Variants in LRRTM4 observed in about 807,000 individuals in gnomAD.
LRRTM4 encodes the protein leucine rich repeat transmembrane neuronal 4.
LRRTM4 carries 25 observed loss-of-function variants against 47.6 expected under a neutral mutation model. That is an observed-to-expected ratio of 0.53 (90% CI 0.38 to 0.73). LRRTM4 has a LOEUF of 0.73. LRRTM4 is among the 30% of genes least tolerant of loss of function. The pLI, the probability that LRRTM4 is intolerant of heterozygous loss-of-function variation, is 0.00. For missense variants in LRRTM4, 638 were observed against 713.4 expected, an observed-to-expected ratio of 0.89 and a Z score of 1.20; for synonymous variants, 311 against 269.5, an observed-to-expected ratio of 1.15 and a Z score of -1.51.
At chr2:77,513,544 A>G (rs1679098081) in intron 3 of LRRTM4, among the ~76,000 whole-genome samples, 1 of 151,890 alleles carries the variant, frequency 6.6e-6, no homozygotes, top group African/African-American at 2.4e-5. Context: ...TTTAGACTAC[A>G]TAGATGTAAG....
intron 3 of LRRTM4, among the ~76,000 whole-genome samples, chr2:77,396,392 C>T (rs1673705285): frequency 6.6e-6 from 1 of 151,868 alleles, no homozygotes; most frequent in African/African-American, 2.4e-5. Context: ...TTTATCTCTG[C>T]TAAGGTTTTT....
At chr2:77,436,275 A>G (rs1354539398) in intron 3 of LRRTM4, among the ~76,000 whole-genome samples, 1 of 152,162 alleles carries the variant, frequency 6.6e-6, no homozygotes, top group Non-Finnish European at 1.5e-5. Context: ...GTGAGGTTAC[A>G]ATACTAAACA....
At chr2:77,441,599 C>T (rs1434406992) in intron 3 of LRRTM4, among the ~76,000 whole-genome samples, 1 of 152,034 alleles carries the variant, frequency 6.6e-6, no homozygotes, top group African/African-American at 2.4e-5. Flanking sequence ...CTTATCTGGC[C>T]TGAGTTGTGA....
intron 3 of LRRTM4, among the ~76,000 whole-genome samples, chr2:76,881,118 T>C (rs1276509778): frequency 6.6e-6 from 1 of 152,064 alleles, no homozygotes; most frequent in Non-Finnish European, 1.5e-5. Context: ...AAATAATAAA[T>C]ATTTGAGATT....
chr2:77,515,036 C>G (rs1017320951), intron 3 of LRRTM4, among the ~76,000 whole-genome samples: 2 of 151,746 alleles, frequency 1.3e-5, no homozygotes, highest in Non-Finnish European at 2.9e-5. Context: ...ATCCTTTTGG[C>G]TTTAAATTCT....
chr2:77,029,908 G>T (rs192104386), intron 3 of LRRTM4, among the ~76,000 whole-genome samples: 1 of 151,874 alleles, frequency 6.6e-6, no homozygotes, highest in Non-Finnish European at 1.5e-5. Context: ...TAGGGACTCA[G>T]GGGGAAATTA....
chr2:76,988,435 T>A (rs992719989), intron 3 of LRRTM4, among the ~76,000 whole-genome samples: 2 of 151,840 alleles, frequency 1.3e-5, no homozygotes, highest in Admixed American at 1.3e-4. Context: ...GAGAAATTTG[T>A]TCTCCATAAA....
intron 3 of LRRTM4, among the ~76,000 whole-genome samples, chr2:77,421,637 G>A (rs776960082): frequency 1.3e-5 from 2 of 151,832 alleles, no homozygotes; most frequent in African/African-American, 4.8e-5. Flanking sequence ...AACCCGGGAG[G>A]CGGAGCTTGC....
rs566694665 is a variant in LRRTM4, at chr2:77,249,121, A to T, written c.1551+269197T>A. On this transcript the variant is annotated intron_variant, in intron 3 of 3. Transcript: ENST00000409884. ...TCCTAGCACTTTGGGAGGCTGAGGCATGTGGATCACCTGAGGTTGGTAGTT... is the reference window on the plus strand; with the variant it reads ...TCCTAGCACTTTGGGAGGCTGAGGCTTGTGGATCACCTGAGGTTGGTAGTT... 2.6e-5 allele frequency among the ~76,000 whole-genome samples: 4 copies of T among 152,078 alleles called. No individual in the cohort carries two copies. In the South Asian group the frequency reaches 6.2e-4, roughly 24 times the overall value.
At chr2:77,113,931 G>A (rs1671319804) in intron 3 of LRRTM4, among the ~76,000 whole-genome samples, 1 of 152,120 alleles carries the variant, frequency 6.6e-6, no homozygotes, top group Non-Finnish European at 1.5e-5. Flanking sequence ...GGCCGCGGAA[G>A]CTGCAAGTAG....
chr2:77,239,908 C>A (rs1675210096), intron 3 of LRRTM4, among the ~76,000 whole-genome samples: 1 of 151,650 alleles, frequency 6.6e-6, no homozygotes, highest in African/African-American at 2.4e-5. Context: ...TTGTTATTCA[C>A]CTTATTAAAT....
chr2:77,223,005 C>A (rs1674688370), intron 3 of LRRTM4, among the ~76,000 whole-genome samples: 6 of 152,032 alleles, frequency 3.9e-5, no homozygotes. Context: ...AAAGCTTATC[C>A]ACCATGATCA....
In LRRTM4 at chr2:77,445,853, G is replaced by T. The variant is rs145707274; in HGVS notation, c.1551+72465C>A. Among the ~76,000 whole-genome samples the T allele has an allele frequency of 5.1e-3, 779 of 152,030 alleles. 10 individuals carry two copies. The highest frequency in any genetic ancestry group is 0.017 in the African/African-American group (723 of 41,506). On this transcript the variant is annotated intron_variant, in intron 3 of 3. Transcript: ENST00000409884. ...GTGATAAAAATACCACCTATCTGAT[G>T]GGCTTTCGTGAGAAATAAATGAAGT...
chr2:77,098,195 A>G (rs549689308), intron 3 of LRRTM4, among the ~76,000 whole-genome samples: 2 of 152,182 alleles, frequency 1.3e-5, no homozygotes, highest in African/African-American at 4.8e-5. Context: ...TTTGTGGAAG[A>G]AGGCGGCCAC....
At chr2:77,017,917 T>C (rs969439097) in intron 3 of LRRTM4, among the ~76,000 whole-genome samples, 1 of 150,662 alleles carries the variant, frequency 6.6e-6, no homozygotes, top group African/African-American at 2.4e-5. Context: ...CAGGAAGTGT[T>C]AGCTCAAACG....
intron 3 of LRRTM4, among the ~76,000 whole-genome samples, chr2:77,033,771 CTTGT>C (rs1037159706): frequency 2.5e-4 from 38 of 151,770 alleles, no homozygotes; most frequent in South Asian, 1.5e-3. Flanking sequence ...ATATATGTGG[CTTGT>C]TTGTCTCTTA....
chr2:76,986,260 T>C (rs1676790978), intron 3 of LRRTM4, among the ~76,000 whole-genome samples: 1 of 150,144 alleles, frequency 6.7e-6, no homozygotes, highest in Non-Finnish European at 1.5e-5. Context: ...AGGAAAGCAT[T>C]ATTATCCTTT....
At chr2:76,786,598 C>G (rs4853272) in intron 3 of LRRTM4, among the ~76,000 whole-genome samples, 5 of 151,714 alleles carry the variant, frequency 3.3e-5, no homozygotes, top group African/African-American at 9.7e-5. Flanking sequence ...GGAAGAAAAC[C>G]AAAACAAAGC....
At chr2:77,442,035 A>G (rs928857578) in intron 3 of LRRTM4, among the ~76,000 whole-genome samples, 1 of 152,158 alleles carries the variant, frequency 6.6e-6, no homozygotes, top group Non-Finnish European at 1.5e-5. Context: ...GCAGAAGTGG[A>G]GTATTCTATT....
Sources: allele counts gnomAD v4.1 joint callset (sites outside exome capture counted in the v4.1 genomes callset), GRCh38; gene constraint gnomAD v4.1.1; transcripts MANE v1.5; gene names NCBI Gene and HGNC (gene_info 2026-07-23, HGNC 2026-07-21).